The following RELN variants were observed in gnomAD, a reference collection of about 807,000 sequenced individuals.
The protein encoded by RELN is reelin.
Under a neutral mutation model 427.6 loss-of-function variants are expected in RELN, and 108 were observed. The observed-to-expected ratio is 0.25, with a 90% confidence interval of 0.22 to 0.30. The LOEUF (loss-of-function observed/expected upper bound fraction) is 0.30, where lower values mean the gene tolerates loss of function less well. Ranked by LOEUF, RELN falls within the 10% of genes least tolerant of loss-of-function variation. The probability of loss-of-function intolerance (pLI) is 1.00; values close to 1 mark genes in which losing one functional copy is unlikely to be tolerated. For synonymous variants in RELN, 1,524 were observed against 1,513.4 expected (o/e 1.01, Z -0.16); for missense variants, 3,715 against 4,302.8 (o/e 0.86, Z 3.82).
Position 103,593,703 on chromosome 7 carries a change from A to G in RELN, c.3891T>C (p.Pro1297=). The part of the protein sequence containing the change: ...FAVTRDLTLK[P]GYVLQFKLNI... ...ATACCTTGAACTGTAGCACATATCC[A>G]GGTTTCAGGGTCAAATCTCGAGTTA... The change falls in exon 27 of 65, where the codon CCT becomes CCC. Residue 1297 remains proline, a synonymous_variant. Transcript: ENST00000428762. 1.9e-6 allele frequency: 3 copies of G among 1,613,934 alleles called. No homozygotes were observed. The highest frequency in any genetic ancestry group is 2.5e-6 in the Non-Finnish European group (3 of 1,179,844).
At chr7:103,639,055 T>C (rs1299658103) in intron 17 of RELN, among the ~76,000 whole-genome samples, 1 of 152,228 alleles carries the variant, frequency 6.6e-6, no homozygotes, top group Non-Finnish European at 1.5e-5. Flanking sequence ...TGGCCTCATG[T>C]TAATTTTATT....
chr7:103,508,266 A>T (rs1829283134), intron 51 of RELN, among the ~76,000 whole-genome samples: 1 of 152,258 alleles, frequency 6.6e-6, no homozygotes, highest in African/African-American at 2.4e-5. Flanking sequence ...CCTTATGAAT[A>T]TTGATGTGAA....
intron 1 of RELN, among the ~76,000 whole-genome samples, chr7:103,951,318 AAT>A (rs1236018787): frequency 6.6e-6 from 1 of 152,222 alleles, no homozygotes; most frequent in Non-Finnish European, 1.5e-5. Flanking sequence ...ATCAAAACAA[AAT>A]AGATAGGAAG....
At chr7:103,766,949 T>A (rs1262516935) in intron 4 of RELN, among the ~76,000 whole-genome samples, 1 of 152,218 alleles carries the variant, frequency 6.6e-6, no homozygotes, top group South Asian at 2.1e-4. Flanking sequence ...GGTTTATAAA[T>A]GGCACGTGCC....
intron 38 of RELN, 85 bp downstream of exon 38, chr7:103,556,892 A>G: frequency 8.8e-7 from 1 of 1,141,658 alleles, no homozygotes; most frequent in Non-Finnish European, 1.3e-6. Flanking sequence ...TGCTCAGTTG[A>G]CAAACACTTC....
At chr7:103,897,315 A>G (rs1794983421) in intron 2 of RELN, among the ~76,000 whole-genome samples, 1 of 152,084 alleles carries the variant, frequency 6.6e-6, no homozygotes, top group Non-Finnish European at 1.5e-5. Flanking sequence ...TTCTTTCATC[A>G]AAGTTGACAG....
At chr7:103,789,092 G>A (rs1792094411) in intron 3 of RELN, among the ~76,000 whole-genome samples, 1 of 152,142 alleles carries the variant, frequency 6.6e-6, no homozygotes. Flanking sequence ...AATGGGGAAA[G>A]GATTCCCTAT....
At chr7:103,706,474 G>A (rs962266800) in intron 8 of RELN, among the ~76,000 whole-genome samples, 18 of 152,144 alleles carry the variant, frequency 1.2e-4, no homozygotes, top group East Asian at 7.7e-4. Context: ...ATTAGTAGGC[G>A]TTTCTACTTT....
chr7:103,768,649 A>C (rs1277745825), intron 4 of RELN, among the ~76,000 whole-genome samples: 4 of 152,212 alleles, frequency 2.6e-5, no homozygotes. Context: ...TCTATGTTGC[A>C]TGCCAAACAT....
chr7:103,807,617 C>T (rs1056907124), intron 3 of RELN, among the ~76,000 whole-genome samples: 1 of 152,052 alleles, frequency 6.6e-6, no homozygotes, highest in Admixed American at 6.6e-5. Flanking sequence ...CCCTTCCACC[C>T]TCCCCTCTCA....
intron 3 of RELN, among the ~76,000 whole-genome samples, chr7:103,793,515 C>A (rs1792218773): frequency 6.6e-6 from 1 of 152,148 alleles, no homozygotes; most frequent in African/African-American, 2.4e-5. Flanking sequence ...CATGAAAATT[C>A]CAGCATTGCC....
At chr7:103,710,786 C>CT (rs1789775311) in intron 8 of RELN, among the ~76,000 whole-genome samples, 1 of 152,212 alleles carries the variant, frequency 6.6e-6, no homozygotes, top group South Asian at 2.1e-4. Context: ...TGGCTCATGC[C>CT]TGTAATCCCA....
intron 1 of RELN, among the ~76,000 whole-genome samples, chr7:103,983,705 C>T (rs1456753638): frequency 1.3e-5 from 2 of 152,118 alleles, no homozygotes; most frequent in Non-Finnish European, 2.9e-5. Context: ...TGCCTTTTAA[C>T]GTGTATTAAG....
At chr7:103,960,157 T>C (rs1796518765) in intron 1 of RELN, among the ~76,000 whole-genome samples, 1 of 152,190 alleles carries the variant, frequency 6.6e-6, no homozygotes, top group Non-Finnish European at 1.5e-5. Flanking sequence ...AAATGTTCCC[T>C]TTCACGCAAA....
intron 29 of RELN, among the ~76,000 whole-genome samples, chr7:103,575,105 G>T (rs1830969029): frequency 6.6e-6 from 1 of 152,198 alleles, no homozygotes; most frequent in Admixed American, 6.5e-5. Context: ...GACTGCCAGG[G>T]TTTGATACTC....
At chr7:103,479,790 T>G (rs897635747) in intron 63 of RELN, among the ~76,000 whole-genome samples, 5 of 152,182 alleles carry the variant, frequency 3.3e-5, no homozygotes, top group Non-Finnish European at 7.4e-5. Context: ...CTAAGTTTGT[T>G]CTCATTAAAC....
At chr7:103,612,251 C>T (rs1052478172) in intron 20 of RELN, among the ~76,000 whole-genome samples, 15 of 151,620 alleles carry the variant, frequency 9.9e-5, no homozygotes, top group Admixed American at 5.3e-4. Flanking sequence ...GGAACATTAT[C>T]TATCTTTCAA....
At chr7:103,651,460 G>C (rs553372292) in intron 15 of RELN, among the ~76,000 whole-genome samples, 2 of 152,136 alleles carry the variant, frequency 1.3e-5, no homozygotes, top group Admixed American at 1.3e-4. Flanking sequence ...AGAATGAATG[G>C]CCTTACAAAT....
intron 20 of RELN, among the ~76,000 whole-genome samples, chr7:103,612,664 C>T (rs892543854): frequency 6.6e-6 from 1 of 152,090 alleles, no homozygotes; most frequent in Admixed American, 6.6e-5. Flanking sequence ...AGGAAATTTG[C>T]GATTTACAAT....
Sources: gnomAD v4.1 joint callset for allele counts (sites outside exome capture counted in the v4.1 genomes callset) on GRCh38, gnomAD v4.1.1 for gene constraint, MANE v1.5 for transcripts, NCBI Gene and HGNC (gene_info 2026-07-23, HGNC 2026-07-21) for gene names.